Variants in HS6ST3 observed in about 807,000 individuals in gnomAD.
HS6ST3 encodes the protein heparan-sulfate 6-O-sulfotransferase 3.
A neutral mutation model predicts 36.7 loss-of-function variants in HS6ST3; 12 were observed. The ratio of observed to expected loss-of-function variants is 0.33; its 90% CI spans 0.21 to 0.53. The LOEUF (loss-of-function observed/expected upper bound fraction) is 0.53, where lower values mean the gene tolerates loss of function less well. HS6ST3 is among the 20% of genes least tolerant of loss of function. The pLI is 0.95. For synonymous variants in HS6ST3, 240 were observed against 257.5 expected (o/e 0.93, Z 0.65); for missense variants, 584 against 640.9 (o/e 0.91, Z 0.96).
intron 1 of HS6ST3, among the ~76,000 whole-genome samples, chr13:96,453,325 C>A (rs7335011): frequency 0.14 from 21,681 of 151,908 alleles, 1,610 homozygotes; most frequent in Middle Eastern, 0.22. Flanking sequence ...ATTTGTTATC[C>A]CTCACCCCTC....
intron 1 of HS6ST3, among the ~76,000 whole-genome samples, chr13:96,757,886 T>C (rs1024892776): frequency 1.3e-5 from 2 of 152,120 alleles, no homozygotes; most frequent in Non-Finnish European, 2.9e-5. Context: ...TTTGTGTGCA[T>C]TGAGGTTCTT....
intron 1 of HS6ST3, among the ~76,000 whole-genome samples, chr13:96,529,744 T>A (rs979008332): frequency 6.6e-6 from 1 of 152,204 alleles, no homozygotes; most frequent in Non-Finnish European, 1.5e-5. Flanking sequence ...TAGGGCTAAA[T>A]CACATTGTAT....
At chr13:96,137,663 A>G (rs953440903) in intron 1 of HS6ST3, among the ~76,000 whole-genome samples, 3 of 152,018 alleles carry the variant, frequency 2.0e-5, no homozygotes, top group African/African-American at 7.2e-5. Flanking sequence ...TGAACTCCTG[A>G]CCCATGATCC....
At chr13:96,135,133 C>A (rs749074608) in intron 1 of HS6ST3, among the ~76,000 whole-genome samples, 3 of 152,128 alleles carry the variant, frequency 2.0e-5, no homozygotes, top group Non-Finnish European at 4.4e-5. Context: ...CAGTCATGCT[C>A]CTGAAATCTG....
intron 1 of HS6ST3, among the ~76,000 whole-genome samples, chr13:96,244,717 A>G (rs562257031): frequency 2.6e-5 from 4 of 152,228 alleles, no homozygotes; most frequent in Admixed American, 1.3e-4. Flanking sequence ...CAGAAGAAAT[A>G]GAACTGAAAT....
intron 1 of HS6ST3, among the ~76,000 whole-genome samples, chr13:96,766,386 A>C (rs994064115): frequency 1.2e-4 from 19 of 152,144 alleles, no homozygotes; most frequent in Admixed American, 4.6e-4. Context: ...TTGTTATTTC[A>C]GTTCCTTAGC....
chr13:96,567,215 C>G (rs1292627132), intron 1 of HS6ST3, among the ~76,000 whole-genome samples: 1 of 151,964 alleles, frequency 6.6e-6, no homozygotes, highest in African/African-American at 2.4e-5. Flanking sequence ...ACCCACAAGT[C>G]TTAAATTAAA....
chr13:96,566,787 G>C lies in HS6ST3; in HGVS notation c.708-265703G>C, dbSNP rs534454694. Among the ~76,000 whole-genome samples, 11 of 152,282 alleles carry C rather than the reference G, an allele frequency of 7.2e-5. No individual in the cohort carries two copies. The East Asian group carries it at 2.1e-3, about 29-fold the overall frequency. On this transcript the variant is annotated intron_variant, in intron 1 of 1. Coordinates refer to ENST00000376705, the MANE Select transcript of HS6ST3 (RefSeq NM_153456.4). The stretch of plus-strand genomic sequence containing the variant: ...TGAGAAGATGGGGAAGGAAAGTGTT[G>C]TGACTGAGTTAAGGGTTCAACCACA...
At chr13:96,349,469 A>G (rs895534839) in intron 1 of HS6ST3, among the ~76,000 whole-genome samples, 3 of 152,204 alleles carry the variant, frequency 2.0e-5, no homozygotes, top group African/African-American at 7.2e-5. Flanking sequence ...CACATTTTCA[A>G]AAATTGAAAT....
chr13:96,143,153 T>A (rs2054040140), intron 1 of HS6ST3, among the ~76,000 whole-genome samples: 1 of 152,038 alleles, frequency 6.6e-6, no homozygotes, highest in African/African-American at 2.4e-5. Flanking sequence ...ACACAGATCC[T>A]ATTGATAGCA....
intron 1 of HS6ST3, among the ~76,000 whole-genome samples, chr13:96,673,044 G>C (rs1372377377): frequency 1.3e-5 from 2 of 152,152 alleles, no homozygotes; most frequent in African/African-American, 4.8e-5. Flanking sequence ...TCCTTCCAGG[G>C]GCTCTAGAGG....
chr13:96,512,698 G>GA lies in HS6ST3; in HGVS notation c.708-319787dup, dbSNP rs2056055241. On this transcript the variant is annotated intron_variant, in intron 1 of 1. Transcript: ENST00000376705. Reference sequence around the variant, plus strand: ...TTTTTTCTAGTAGTTCATTGTTGTAGAAAAATGTCACTATTCTTATAAGTT... The same window carrying GA: ...TTTTTTCTAGTAGTTCATTGTTGTAGAAAAAATGTCACTATTCTTATAAGTT... Among the ~76,000 whole-genome samples, 3 of 152,058 alleles carry GA rather than the reference G, an allele frequency of 2.0e-5. No individual in the cohort carries two copies. The South Asian group carries it at 6.2e-4, about 32-fold the overall frequency.
intron 1 of HS6ST3, among the ~76,000 whole-genome samples, chr13:96,609,919 A>G (rs1012769510): frequency 1.3e-5 from 2 of 152,236 alleles, no homozygotes; most frequent in African/African-American, 2.4e-5. Flanking sequence ...TATGATAGGA[A>G]CTAACTTCCT....
At chr13:96,255,168 T>C (rs1411885985) in intron 1 of HS6ST3, among the ~76,000 whole-genome samples, 2 of 152,204 alleles carry the variant, frequency 1.3e-5, no homozygotes, top group African/African-American at 4.8e-5. Context: ...GAGATAAGCA[T>C]CTCCATCCAC....
intron 1 of HS6ST3, among the ~76,000 whole-genome samples, chr13:96,733,875 A>G (rs1433047196): frequency 1.3e-5 from 2 of 152,190 alleles, no homozygotes; most frequent in East Asian, 3.9e-4. Context: ...ATCTAGTCCC[A>G]TTGCCCCTTT....
intron 1 of HS6ST3, among the ~76,000 whole-genome samples, chr13:96,764,351 T>C (rs1278941580): frequency 2.6e-5 from 4 of 152,206 alleles, no homozygotes; most frequent in Non-Finnish European, 5.9e-5. Flanking sequence ...AAGGTGATGA[T>C]TATATCTTAC....
At chr13:96,658,259 C>CTTT (rs2056632716) in intron 1 of HS6ST3, among the ~76,000 whole-genome samples, 1 of 80,360 alleles carries the variant, frequency 1.2e-5, no homozygotes, top group African/African-American at 4.7e-5. Context: ...TTCTTCTTCT[C>CTTT]TTCTTCTTCT....
At chr13:96,770,435 T>C (rs990874107) in intron 1 of HS6ST3, among the ~76,000 whole-genome samples, 2 of 152,234 alleles carry the variant, frequency 1.3e-5, no homozygotes, top group Non-Finnish European at 2.9e-5. Flanking sequence ...CATGTTCTTC[T>C]TACATGCCTG....
chr13:96,559,360 C>T (rs992934421), intron 1 of HS6ST3, among the ~76,000 whole-genome samples: 1 of 152,112 alleles, frequency 6.6e-6, no homozygotes, highest in Non-Finnish European at 1.5e-5. Flanking sequence ...CTCAAGTGAT[C>T]CACCCACCTT....
Sources: gnomAD v4.1 joint callset for allele counts (sites outside exome capture counted in the v4.1 genomes callset) on GRCh38, gnomAD v4.1.1 for gene constraint, MANE v1.5 for transcripts, NCBI Gene and HGNC (gene_info 2026-07-23, HGNC 2026-07-21) for gene names.